TSHZ2: variants seen among roughly 807,000 people sequenced by gnomAD.
TSHZ2 encodes teashirt zinc finger homeobox 2.
Under a neutral mutation model 74.4 loss-of-function variants are expected in TSHZ2, and 21 were observed. That is an observed-to-expected ratio of 0.28 (90% CI 0.20 to 0.41). TSHZ2 has a LOEUF of 0.41. Ranked by LOEUF, TSHZ2 falls within the 10% of genes least tolerant of loss-of-function variation. The pLI, the probability that TSHZ2 is intolerant of heterozygous loss-of-function variation, is 1.00. For missense variants in TSHZ2, 1,244 were observed against 1,293.5 expected, an observed-to-expected ratio of 0.96 and a Z score of 0.59; for synonymous variants, 540 against 515.3, an observed-to-expected ratio of 1.05 and a Z score of -0.65.
At chr20:53,043,744 G>A (rs944930934) in intron 1 of TSHZ2, among the ~76,000 whole-genome samples, 8 of 151,636 alleles carry the variant, frequency 5.3e-5, no homozygotes, top group African/African-American at 1.9e-4. Context: ...CAGTCTCAAA[G>A]ATAGGCAATC....
intron 2 of TSHZ2, among the ~76,000 whole-genome samples, chr20:53,365,623 TCAGG>T (rs1394066351): frequency 2.0e-5 from 3 of 152,204 alleles, no homozygotes; most frequent in African/African-American, 7.2e-5. Flanking sequence ...GTCCCCCACC[TCAGG>T]TGACAGGCAG....
intron 1 of TSHZ2, among the ~76,000 whole-genome samples, chr20:53,099,545 C>T (rs1173196110): frequency 3.3e-5 from 5 of 152,208 alleles, no homozygotes; most frequent in East Asian, 3.9e-4. Flanking sequence ...TCTGTTTTCA[C>T]GCTGCTGATA....
At chr20:53,381,350 A>G (rs1178718977) in intron 2 of TSHZ2, among the ~76,000 whole-genome samples, 1 of 152,182 alleles carries the variant, frequency 6.6e-6, no homozygotes, top group Non-Finnish European at 1.5e-5. Context: ...GTAAATGTCT[A>G]CCACTGCCTC....
At chr20:53,259,038 GA>G (rs1254991375) in intron 2 of TSHZ2, among the ~76,000 whole-genome samples, 1 of 152,052 alleles carries the variant, frequency 6.6e-6, no homozygotes, top group Non-Finnish European at 1.5e-5. Context: ...GGTCACCTTA[GA>G]AAAAAATGCC....
At chr20:53,002,813 T>G (rs1459946775) in intron 1 of TSHZ2, among the ~76,000 whole-genome samples, 1 of 151,834 alleles carries the variant, frequency 6.6e-6, no homozygotes, top group Non-Finnish European at 1.5e-5. Flanking sequence ...TGTGTATTAA[T>G]AAATCAATAG....
At chr20:53,030,727 C>A (rs1378154833) in intron 1 of TSHZ2, among the ~76,000 whole-genome samples, 1 of 152,184 alleles carries the variant, frequency 6.6e-6, no homozygotes, top group Non-Finnish European at 1.5e-5. Context: ...AATTTAAAAT[C>A]ACCCACAGAT....
At chr20:52,983,449 G>T (rs1981641230) in intron 1 of TSHZ2, among the ~76,000 whole-genome samples, 1 of 152,164 alleles carries the variant, frequency 6.6e-6, no homozygotes. Flanking sequence ...CACCGTTTAG[G>T]CAGTAACCAA....
chr20:52,987,528 C>G (rs1981819460), intron 1 of TSHZ2, among the ~76,000 whole-genome samples: 1 of 151,492 alleles, frequency 6.6e-6, no homozygotes. Context: ...TCTCTTCTCT[C>G]TCTCCTCTCT....
At chr20:53,459,926 A>G (rs373274264) in intron 2 of TSHZ2, among the ~76,000 whole-genome samples, 62 of 152,256 alleles carry the variant, frequency 4.1e-4, no homozygotes, top group African/African-American at 3.1e-4. Context: ...CGAGAGATCC[A>G]CTGTTAGTCT....
At chr20:53,034,598 A>G (rs976976468) in intron 1 of TSHZ2, among the ~76,000 whole-genome samples, 3 of 152,250 alleles carry the variant, frequency 2.0e-5, no homozygotes, top group Non-Finnish European at 4.4e-5. Flanking sequence ...GTTATTTTAC[A>G]GGAGGTAATC....
At chr20:53,476,448 A>C (rs1241272959) in intron 2 of TSHZ2, among the ~76,000 whole-genome samples, 1 of 152,166 alleles carries the variant, frequency 6.6e-6, no homozygotes, top group Non-Finnish European at 1.5e-5. Context: ...GGCCTTTGAC[A>C]AAATTCAACA....
At chr20:53,180,664 G>A (rs184545464) in intron 1 of TSHZ2, among the ~76,000 whole-genome samples, 141 of 152,174 alleles carry the variant, frequency 9.3e-4, no homozygotes, top group Non-Finnish European at 1.5e-3. Flanking sequence ...ATTTGATTAG[G>A]AGCACACCAT....
intron 2 of TSHZ2, among the ~76,000 whole-genome samples, chr20:53,428,353 T>C (rs1983726572): frequency 6.6e-6 from 1 of 152,238 alleles, no homozygotes; most frequent in African/African-American, 2.4e-5. Context: ...GTATTATTAT[T>C]ATAGCTCTCT....
At chr20:53,483,527 C>CAAACA (rs1411187992) in intron 2 of TSHZ2, among the ~76,000 whole-genome samples, 3 of 151,948 alleles carry the variant, frequency 2.0e-5, no homozygotes, top group Non-Finnish European at 2.9e-5. Flanking sequence ...CCCCCATCCC[C>CAAACA]AAACAAAACA....
chr20:53,380,206 T>C (rs1273581898), intron 2 of TSHZ2, among the ~76,000 whole-genome samples: 1 of 152,064 alleles, frequency 6.6e-6, no homozygotes, highest in Admixed American at 6.6e-5. Context: ...AAAACTGTGG[T>C]AAATTCTTTC....
At chr20:53,298,502 C>A (rs61602526) in intron 2 of TSHZ2, among the ~76,000 whole-genome samples, 3 of 152,260 alleles carry the variant, frequency 2.0e-5, no homozygotes, top group African/African-American at 7.2e-5. Context: ...TCTGGGGAAA[C>A]AGTGTTTCAG....
intron 1 of TSHZ2, among the ~76,000 whole-genome samples, chr20:53,085,873 C>T (rs575473484): frequency 1.1e-4 from 16 of 152,320 alleles, no homozygotes; most frequent in African/African-American, 2.9e-4. Context: ...GGCGTTCAGG[C>T]GTAAGCATTA....
At chr20:53,471,759 A>C (rs149927851) in intron 2 of TSHZ2, among the ~76,000 whole-genome samples, 1 of 148,936 alleles carries the variant, frequency 6.7e-6, no homozygotes, top group Non-Finnish European at 1.5e-5. Context: ...AGGACATTAA[A>C]ACAAGTTTGT....
chr20:53,284,165 T>C (rs1347232827), intron 2 of TSHZ2, among the ~76,000 whole-genome samples: 2 of 152,216 alleles, frequency 1.3e-5, no homozygotes, highest in East Asian at 1.9e-4. Context: ...CTTGGGCTTG[T>C]TGAGAATGGA....
Sources: gnomAD v4.1 joint callset for allele counts (sites outside exome capture counted in the v4.1 genomes callset) on GRCh38, gnomAD v4.1.1 for gene constraint, MANE v1.5 for transcripts, NCBI Gene and HGNC (gene_info 2026-07-23, HGNC 2026-07-21) for gene names.